ATRNL1: variants seen among roughly 807,000 people sequenced by gnomAD.
The protein encoded by ATRNL1 is attractin-like protein 1.
ATRNL1 carries 95 observed loss-of-function variants against 182.7 expected under a neutral mutation model. The ratio of observed to expected loss-of-function variants is 0.52; its 90% CI spans 0.44 to 0.62. The LOEUF (loss-of-function observed/expected upper bound fraction) is 0.62. ATRNL1 is among the 20% of genes least tolerant of loss of function. The pLI, the probability that ATRNL1 is intolerant of heterozygous loss-of-function variation, is 0.00. For missense variants in ATRNL1, 1,471 were observed against 1,679.5 expected (o/e 0.88, Z 2.17); for synonymous variants, 576 against 568.3 (o/e 1.01, Z -0.19).
intron 27 of ATRNL1, among the ~76,000 whole-genome samples, chr10:115,801,284 C>G (rs1266955494): frequency 1.3e-5 from 2 of 152,122 alleles, no homozygotes; most frequent in Non-Finnish European, 2.9e-5. Context: ...CCACTAGGAA[C>G]TACAATCTTT....
intron 28 of ATRNL1, among the ~76,000 whole-genome samples, chr10:115,861,139 T>C (rs880001911): frequency 3.3e-5 from 5 of 152,152 alleles, no homozygotes; most frequent in African/African-American, 7.2e-5. Context: ...CCCTCTCCGA[T>C]ATACACACCT....
At chr10:115,206,690 C>A (rs1415635672) in intron 8 of ATRNL1, among the ~76,000 whole-genome samples, 1 of 151,952 alleles carries the variant, frequency 6.6e-6, no homozygotes, top group Non-Finnish European at 1.5e-5. Flanking sequence ...GTATAATATT[C>A]TTTTTTTAAA....
intron 21 of ATRNL1, among the ~76,000 whole-genome samples, chr10:115,446,020 A>C (rs1846966673): frequency 6.6e-6 from 1 of 152,076 alleles, no homozygotes; most frequent in Non-Finnish European, 1.5e-5. Flanking sequence ...TTGTTTTTAC[A>C]TTTTGGCTAA....
chr10:115,215,617 CTTGT>C, intron 8 of ATRNL1, 76 bp from the exon 9 acceptor site: 1 of 1,067,380 alleles, frequency 9.4e-7, no homozygotes, highest in Non-Finnish European at 1.3e-6. Context: ...TTAGAATTAA[CTTGT>C]TGGTATTTTG....
chr10:115,155,755 G>T (rs140544167), intron 5 of ATRNL1, among the ~76,000 whole-genome samples: 2 of 152,238 alleles, frequency 1.3e-5, no homozygotes, highest in Non-Finnish European at 2.9e-5. Context: ...GGAATGATAG[G>T]AGTAGAATTA....
intron 27 of ATRNL1, among the ~76,000 whole-genome samples, chr10:115,738,126 A>ATTTTTTGTTTTT (rs1948017686): frequency 2.1e-5 from 1 of 47,092 alleles, no homozygotes; most frequent in African/African-American, 6.6e-5. Flanking sequence ...GAAGATAATG[A>ATTTTTTGTTTTT]TTTTTTTTTT....
At chr10:115,276,329 G>T (rs1407473359) in intron 13 of ATRNL1, among the ~76,000 whole-genome samples, 3 of 152,128 alleles carry the variant, frequency 2.0e-5, no homozygotes, top group Non-Finnish European at 4.4e-5. Flanking sequence ...TTCAGTCCAT[G>T]ACAGACATTT....
chr10:115,558,261 T>C (rs1304992433), intron 26 of ATRNL1, among the ~76,000 whole-genome samples: 3 of 152,076 alleles, frequency 2.0e-5, no homozygotes, highest in Non-Finnish European at 4.4e-5. Context: ...CAGAAACTTA[T>C]TAAAGAGAGA....
chr10:115,540,314 G>T (rs1255509402), intron 25 of ATRNL1, among the ~76,000 whole-genome samples: 1 of 152,010 alleles, frequency 6.6e-6, no homozygotes, highest in East Asian at 1.9e-4. Context: ...CCGCTGCACT[G>T]ACTCAAGAAG....
intron 26 of ATRNL1, among the ~76,000 whole-genome samples, chr10:115,574,067 T>C (rs1285339611): frequency 6.6e-6 from 1 of 152,132 alleles, no homozygotes; most frequent in African/African-American, 2.4e-5. Context: ...GTTATCTCAA[T>C]TATTTCTTGC....
intron 19 of ATRNL1, among the ~76,000 whole-genome samples, chr10:115,338,491 C>G (rs1278100805): frequency 6.6e-6 from 1 of 152,140 alleles, no homozygotes; most frequent in Non-Finnish European, 1.5e-5. Context: ...TTTTGAGCAC[C>G]TTTGCATATG....
At position 115,127,658 on chromosome 10, in the gene ATRNL1, A is replaced by G. The variant is rs1554873908; in HGVS notation, c.557A>G (p.Tyr186Cys). 6.9e-6 allele frequency: 11 copies of G among 1,589,434 alleles called. No homozygotes were observed. Among genetic ancestry groups the G allele is most frequent in the Admixed American group, 1.9e-5 (1 of 53,800 alleles). The change falls in exon 4 of 29, where the codon TAT becomes TGT. Residue 186 changes from tyrosine (Y) to cysteine (C), a missense_variant. By Grantham distance (194) the Tyr-to-Cys change is radical. This residue lies in a region of ATRNL1 where 1,031 missense variants were observed against 1,156.0 expected (regional missense o/e 0.89). Transcript: ENST00000355044. ...CCTGAAGTTGTTACTACATCTGGCT[A>G]TGCACTGTTACATTTTTTTAGTGAT... is the stretch of plus-strand genomic sequence containing the variant. ...TVPEVVTTSG[Y>C]ALLHFFSDAA...
chr10:115,715,618 TA>T (rs1947224890), intron 26 of ATRNL1, among the ~76,000 whole-genome samples: 1 of 152,118 alleles, frequency 6.6e-6, no homozygotes, highest in African/African-American at 2.4e-5. Flanking sequence ...GAGAGACAAC[TA>T]ACACATTGGA....
chr10:115,640,600 C>T lies in ATRNL1; in HGVS notation c.3796-86648C>T, dbSNP rs189887441. Among the ~76,000 whole-genome samples the T allele has an allele frequency of 6.1e-3, 933 of 152,210 alleles. 8 individuals carry two copies. The highest frequency in any genetic ancestry group is 0.02 in the African/African-American group (846 of 41,532). ...CTTTTGAGAAGTGTCTGTTCATATC[C>T]TTTACCCACTTTTTGATGGGGTTGT... On this transcript the variant is annotated intron_variant, in intron 26 of 28. Coordinates refer to ENST00000355044, the MANE Select transcript of ATRNL1 (RefSeq NM_207303.4).
intron 28 of ATRNL1, among the ~76,000 whole-genome samples, chr10:115,917,482 A>G (rs1251938803): frequency 1.2e-4 from 1 of 8,338 alleles, no homozygotes; most frequent in African/African-American, 1.5e-4. Context: ...AAAAAAAAAA[A>G]AAAGAAAAAA....
chr10:115,665,881 T>A (rs1860970260), intron 26 of ATRNL1, among the ~76,000 whole-genome samples: 1 of 152,160 alleles, frequency 6.6e-6, no homozygotes. Context: ...TGGTACCTGT[T>A]CCTCACTGGT....
In ATRNL1 at chr10:115,744,707, G is replaced by C. The variant is rs138677424; in HGVS notation, c.3903+17352G>C. Among the ~76,000 whole-genome samples the C allele has an allele frequency of 1.3e-4, 20 of 149,462 alleles. No homozygotes were observed. In the East Asian group the frequency reaches 3.9e-3, roughly 29 times the overall value. The stretch of plus-strand genomic sequence containing the variant: ...TCCCACTGTATTGAATTTAATGTGA[G>C]TGTATGAATATGTAAATGCACGCAT... On this transcript the variant is annotated intron_variant, in intron 27 of 28. Coordinates refer to ENST00000355044, the MANE Select transcript of ATRNL1 (RefSeq NM_207303.4).
intron 21 of ATRNL1, among the ~76,000 whole-genome samples, chr10:115,431,214 C>A (rs1846145897): frequency 6.6e-6 from 1 of 152,016 alleles, no homozygotes; most frequent in Non-Finnish European, 1.5e-5. Flanking sequence ...CGAGACCAGC[C>A]TGACCAACAT....
intron 26 of ATRNL1, among the ~76,000 whole-genome samples, chr10:115,695,648 C>T (rs1295400468): frequency 6.6e-6 from 1 of 151,802 alleles, no homozygotes; most frequent in Non-Finnish European, 1.5e-5. Context: ...AAAGAAAATA[C>T]TAAGGATATT....
Sources: allele counts gnomAD v4.1 joint callset (sites outside exome capture counted in the v4.1 genomes callset), GRCh38; gene constraint gnomAD v4.1.1; regional missense constraint gnomAD v4.1.1; transcripts MANE v1.5; gene names NCBI Gene and HGNC (gene_info 2026-07-23, HGNC 2026-07-21).